Variants in SLC17A8 observed in about 807,000 individuals in gnomAD.
SLC17A8 encodes solute carrier family 17 member 8, also known as vesicular glutamate transporter 3.
A neutral mutation model predicts 58.0 loss-of-function variants in SLC17A8; 31 were observed. The observed-to-expected ratio is 0.53, with a 90% confidence interval of 0.40 to 0.72. SLC17A8 has a LOEUF of 0.72. Among genes scored for constraint, SLC17A8 ranks in the 30% least tolerant of loss-of-function variants. The pLI is 0.00. For missense variants in SLC17A8, 655 were observed against 727.8 expected, an observed-to-expected ratio of 0.90 and a Z score of 1.15; for synonymous variants, 228 against 249.0, an observed-to-expected ratio of 0.92 and a Z score of 0.79.
rs201619936 is a variant in SLC17A8, at chr12:100,420,099, T to C, written c.1710T>C (p.Leu570=). 1.9e-6 allele frequency: 3 copies of C among 1,614,034 alleles called. No individual in the cohort carries two copies. Among genetic ancestry groups the C allele is most frequent in the African/African-American group, 2.7e-5 (2 of 75,048 alleles). ...KEWKGQRGAT[L]DEEELTSYQN... is the part of the protein sequence containing the mutation. ...GGAAAGGACAGAGAGGAGCGACCCT[T>C]GATGAGGAAGAGCTGACATCCTACC... The change falls in exon 12 of 12, where the codon CTT becomes CTC. Residue 570 remains leucine, a synonymous_variant. Coordinates refer to ENST00000323346, the MANE Select transcript of SLC17A8 (RefSeq NM_139319.3).
chr12:100,399,978 C>G (rs1011419212), intron 5 of SLC17A8, among the ~76,000 whole-genome samples: 2 of 152,286 alleles, frequency 1.3e-5, no homozygotes, highest in African/African-American at 4.8e-5. Context: ...GCCTCCCCTC[C>G]TCCAGCCTGG....
At chr12:100,388,685 A>T (rs969505292) in intron 2 of SLC17A8, among the ~76,000 whole-genome samples, 1 of 152,262 alleles carries the variant, frequency 6.6e-6, no homozygotes, top group Non-Finnish European at 1.5e-5. Context: ...GGGCGGATAA[A>T]TATGTAATAA....
At position 100,396,477 on chromosome 12, in the gene SLC17A8, G is replaced by T. The variant is rs572898984; in HGVS notation, c.676+60G>T. 1.4e-3 allele frequency: 1,897 copies of T among 1,357,100 alleles called. 2 individuals are homozygous for T. Among genetic ancestry groups the T allele is most frequent in the Non-Finnish European group, 1.9e-3 (1,781 of 952,730 alleles). The allele number at this position is 1,357,100 out of a possible 1,614,324, so 84.1% of individuals were successfully genotyped here. Reference sequence around the variant, plus strand: ...TGAATGCTTTTTTTGGGTTCATGCAGTGGCTCACGCCTGTAATCTCAGCAC... The same window carrying T: ...TGAATGCTTTTTTTGGGTTCATGCATTGGCTCACGCCTGTAATCTCAGCAC... On this transcript the variant is annotated intron_variant, in intron 5 of 11. Coordinates refer to ENST00000323346, the MANE Select transcript of SLC17A8 (RefSeq NM_139319.3).
At chr12:100,389,966 G>A (rs937917621) in intron 2 of SLC17A8, among the ~76,000 whole-genome samples, 90 of 152,016 alleles carry the variant, frequency 5.9e-4, no homozygotes, top group Admixed American at 5.4e-3. Flanking sequence ...GATTACAGGC[G>A]TCTGCCACCA....
At chr12:100,409,251 T>C (rs1295794605) in intron 9 of SLC17A8, among the ~76,000 whole-genome samples, 1 of 151,966 alleles carries the variant, frequency 6.6e-6, no homozygotes, top group Non-Finnish European at 1.5e-5. Context: ...AGTGGTGCAA[T>C]CTTGGCTCAC....
chr12:100,412,647 AGACAC>A, intron 9 of SLC17A8, 118 bp from the exon 10 acceptor site: 1 of 693,012 alleles, frequency 1.4e-6, no homozygotes, highest in Non-Finnish European at 2.6e-6. Flanking sequence ...AAAAAAACAT[AGACAC>A]AAACAAAATA....
chr12:100,375,310 G>T (rs917681591), intron 1 of SLC17A8, among the ~76,000 whole-genome samples: 2 of 151,984 alleles, frequency 1.3e-5, no homozygotes, highest in African/African-American at 4.8e-5. Flanking sequence ...GAGGGAAAAT[G>T]GGGAAGGAGC....
At chr12:100,395,676 A>G (rs1952748528) in intron 4 of SLC17A8, among the ~76,000 whole-genome samples, 1 of 149,286 alleles carries the variant, frequency 6.7e-6, no homozygotes, top group South Asian at 2.1e-4. Context: ...GCAGTGGTGC[A>G]ATCTCAGCTC....
intron 1 of SLC17A8, among the ~76,000 whole-genome samples, chr12:100,373,311 G>C (rs1174077219): frequency 6.6e-6 from 1 of 152,154 alleles, no homozygotes; most frequent in African/African-American, 2.4e-5. Context: ...AAATGAGTTC[G>C]TTTTTCTTCT....
At chr12:100,359,814 C>T (rs1952473102) in intron 1 of SLC17A8, among the ~76,000 whole-genome samples, 1 of 152,148 alleles carries the variant, frequency 6.6e-6, no homozygotes, top group Admixed American at 6.5e-5. Context: ...TGGGCATTTC[C>T]CTCTCATTTC....
chr12:100,369,017 A>G (rs994134839), intron 1 of SLC17A8, among the ~76,000 whole-genome samples: 1 of 152,194 alleles, frequency 6.6e-6, no homozygotes, highest in African/African-American at 2.4e-5. Flanking sequence ...TCATCCCTGT[A>G]ATCCCAGCAC....
chr12:100,369,552 C>T (rs1952544951), intron 1 of SLC17A8, among the ~76,000 whole-genome samples: 1 of 152,228 alleles, frequency 6.6e-6, no homozygotes, highest in Admixed American at 6.5e-5. Flanking sequence ...CATGCTGTAT[C>T]CTCTTCTTGT....
intron 9 of SLC17A8, among the ~76,000 whole-genome samples, chr12:100,412,123 T>C (rs910079728): frequency 1.3e-5 from 2 of 152,128 alleles, no homozygotes; most frequent in African/African-American, 4.8e-5. Context: ...CAGCTACCCA[T>C]GAAGCAACTA....
chr12:100,391,719 C>A (rs918709212), intron 3 of SLC17A8, among the ~76,000 whole-genome samples: 13 of 152,260 alleles, frequency 8.5e-5, no homozygotes, highest in African/African-American at 2.9e-4. Flanking sequence ...ATGGTTCCTG[C>A]CCCCTAACTG....
At chr12:100,412,935 A>G (rs1952881309) in intron 10 of SLC17A8, 55 bp downstream of exon 10, 3 of 1,370,654 alleles carry the variant, frequency 2.2e-6, no homozygotes, top group Non-Finnish European at 3.1e-6. Context: ...AAGTCCCAGG[A>G]AGAAGGAAGG....
At chr12:100,366,782 A>G (rs1952523494) in intron 1 of SLC17A8, among the ~76,000 whole-genome samples, 1 of 152,220 alleles carries the variant, frequency 6.6e-6, no homozygotes, top group Non-Finnish European at 1.5e-5. Flanking sequence ...TTTTATGTAT[A>G]TGAAGCAATA....
chr12:100,406,577 C>T (rs1952827565), intron 9 of SLC17A8, among the ~76,000 whole-genome samples: 1 of 151,634 alleles, frequency 6.6e-6, no homozygotes, highest in African/African-American at 2.4e-5. Context: ...GCTCTGTTAC[C>T]CAGGCTGGAG....
At chr12:100,395,788 T>A (rs1332105121) in intron 4 of SLC17A8, among the ~76,000 whole-genome samples, 2 of 152,066 alleles carry the variant, frequency 1.3e-5, no homozygotes, top group Non-Finnish European at 2.9e-5. Flanking sequence ...AGTTTTTGTA[T>A]TTTTAGTAGA....
chr12:100,395,815 G>A (rs1353450195), intron 4 of SLC17A8, among the ~76,000 whole-genome samples: 2 of 151,804 alleles, frequency 1.3e-5, no homozygotes, highest in Admixed American at 6.6e-5. Flanking sequence ...GTTTCATCAC[G>A]TTGGCTAGGC....
Sources: gnomAD v4.1 joint callset for allele counts (sites outside exome capture counted in the v4.1 genomes callset) on GRCh38, gnomAD v4.1.1 for gene constraint, MANE v1.5 for transcripts, NCBI Gene and HGNC (gene_info 2026-07-23, HGNC 2026-07-21) for gene names.